ERBB4: variants seen among roughly 807,000 people sequenced by gnomAD.
ERBB4 encodes erb-b2 receptor tyrosine kinase 4, also known as receptor tyrosine-protein kinase erbB-4.
ERBB4 carries 42 observed loss-of-function variants against 158.0 expected under a neutral mutation model. The observed-to-expected ratio is 0.27, with a 90% CI of 0.21 to 0.34. The LOEUF (loss-of-function observed/expected upper bound fraction) is 0.34. Ranked by LOEUF, ERBB4 falls within the 10% of genes least tolerant of loss-of-function variation. The probability of loss-of-function intolerance (pLI) is 1.00; values close to 1 mark genes in which losing one functional copy is unlikely to be tolerated. For synonymous variants in ERBB4, 583 were observed against 558.7 expected (o/e 1.04, Z -0.61); for missense variants, 1,333 against 1,624.1 (o/e 0.82, Z 3.08).
chr2:211,938,838 T>C (rs1351869978), intron 3 of ERBB4, among the ~76,000 whole-genome samples: 1 of 152,138 alleles, frequency 6.6e-6, no homozygotes, highest in East Asian at 1.9e-4. Context: ...ACAAAGCTAA[T>C]AAATATTTGA....
chr2:212,125,132 A>G lies in ERBB4; in HGVS notation c.83-229T>C, dbSNP rs1363870411. 12 of 527,558 alleles carry G rather than the reference A, an allele frequency of 2.3e-5. No homozygotes were observed. In the East Asian group the frequency reaches 4.1e-4, roughly 18 times the overall value. 32.7% of individuals were successfully genotyped at this position (527,558 alleles called of 1,614,324 possible). ...GAGAGTAGGAAGGCATAGATTCCACAGAAATATATAGCAAGGAGATAAACT... is the reference window on the plus strand; with the variant it reads ...GAGAGTAGGAAGGCATAGATTCCACGGAAATATATAGCAAGGAGATAAACT... On this transcript the variant is annotated intron_variant, in intron 1 of 27. Transcript: ENST00000342788.
At chr2:211,900,550 T>C (rs923075962) in intron 3 of ERBB4, among the ~76,000 whole-genome samples, 4 of 151,134 alleles carry the variant, frequency 2.6e-5, no homozygotes, top group African/African-American at 4.8e-5. Flanking sequence ...AATTTTTCTA[T>C]TGAAAAGCGG....
intron 1 of ERBB4, among the ~76,000 whole-genome samples, chr2:212,485,745 C>G (rs1575008837): frequency 6.6e-6 from 1 of 152,002 alleles, no homozygotes; most frequent in South Asian, 2.1e-4. Flanking sequence ...CTGTGTATGC[C>G]GGGAAGTTCA....
At chr2:212,168,166 C>T (rs1360423723) in intron 1 of ERBB4, among the ~76,000 whole-genome samples, 1 of 151,958 alleles carries the variant, frequency 6.6e-6, no homozygotes, top group African/African-American at 2.4e-5. Context: ...ACTTAAGCAG[C>T]AGCCACTTAA....
Position 212,232,508 on chromosome 2 carries a change from A to C in ERBB4, c.83-107605T>G, listed in dbSNP as rs374387925. ...ACCACAACCTCTGTCTCCTGTGTTC[A>C]AGCGATTTTCCTGCCTCTGCCTTCT... On this transcript the variant is annotated intron_variant, in intron 1 of 27. Coordinates refer to ENST00000342788, the MANE Select transcript of ERBB4 (RefSeq NM_005235.3). Among the ~76,000 whole-genome samples the C allele has an allele frequency of 7.9e-5, 12 of 152,238 alleles. 1 individual carries two copies. Among genetic ancestry groups the C allele is most frequent in the African/African-American group, 2.9e-4 (12 of 41,552 alleles).
intron 5 of ERBB4, among the ~76,000 whole-genome samples, chr2:211,732,205 T>A (rs576874168): frequency 1.6e-4 from 24 of 152,286 alleles, no homozygotes; most frequent in African/African-American, 5.5e-4. Context: ...AAGAAATAAG[T>A]CAAAAATTGT....
At chr2:211,870,078 CTTTA>C (rs1442993031) in intron 3 of ERBB4, among the ~76,000 whole-genome samples, 1 of 152,086 alleles carries the variant, frequency 6.6e-6, no homozygotes, top group African/African-American at 2.4e-5. Context: ...TTCCTTCTTC[CTTTA>C]TTGTCTACCA....
chr2:211,800,471 A>C (rs1372733807), intron 3 of ERBB4, among the ~76,000 whole-genome samples: 1 of 152,162 alleles, frequency 6.6e-6, no homozygotes, highest in Non-Finnish European at 1.5e-5. Context: ...AGTAATCTAA[A>C]TGGAAAACAA....
At chr2:212,070,345 A>T (rs370401278) in intron 2 of ERBB4, among the ~76,000 whole-genome samples, 1 of 152,082 alleles carries the variant, frequency 6.6e-6, no homozygotes, top group South Asian at 2.1e-4. Context: ...GAAATTGACA[A>T]GCTGATGTTA....
intron 2 of ERBB4, among the ~76,000 whole-genome samples, chr2:212,078,769 TTAATA>T (rs1296607091): frequency 1.3e-5 from 2 of 151,514 alleles, no homozygotes; most frequent in African/African-American, 4.8e-5. Context: ...ACTATTAATA[TTAATA>T]TAATTAAAAC....
At chr2:211,584,952 A>G (rs555858469) in intron 19 of ERBB4, among the ~76,000 whole-genome samples, 1 of 152,214 alleles carries the variant, frequency 6.6e-6, no homozygotes, top group African/African-American at 2.4e-5. Context: ...TGAAAAAAAA[A>G]TTACCACTAT....
chr2:212,390,252 T>C (rs927914943), intron 1 of ERBB4, among the ~76,000 whole-genome samples: 1 of 151,890 alleles, frequency 6.6e-6, no homozygotes, highest in Non-Finnish European at 1.5e-5. Flanking sequence ...ATTTGTACAT[T>C]GTACCACTTC....
intron 20 of ERBB4, among the ~76,000 whole-genome samples, chr2:211,499,193 C>A (rs2065552718): frequency 6.6e-6 from 1 of 152,004 alleles, no homozygotes; most frequent in African/African-American, 2.4e-5. Context: ...ACTTAAACTC[C>A]CTTTTTATAG....
intron 18 of ERBB4, among the ~76,000 whole-genome samples, chr2:211,620,923 T>G (rs1234146779): frequency 1.4e-5 from 2 of 148,094 alleles, no homozygotes; most frequent in Non-Finnish European, 1.5e-5. Flanking sequence ...ATAGGCAACA[T>G]AGAGACATTC....
intron 1 of ERBB4, among the ~76,000 whole-genome samples, chr2:212,434,303 G>A (rs2092090851): frequency 6.6e-6 from 1 of 151,900 alleles, no homozygotes; most frequent in African/African-American, 2.4e-5. Context: ...GAATTACAGA[G>A]CTGCTAGAAA....
chr2:212,459,599 T>C (rs1209272163), intron 1 of ERBB4, among the ~76,000 whole-genome samples: 1 of 152,138 alleles, frequency 6.6e-6, no homozygotes, highest in Non-Finnish European at 1.5e-5. Flanking sequence ...CTAAAAAATT[T>C]TGAATGGAAC....
intron 1 of ERBB4, among the ~76,000 whole-genome samples, chr2:212,258,159 T>C (rs1348182329): frequency 6.6e-6 from 1 of 152,128 alleles, no homozygotes; most frequent in Non-Finnish European, 1.5e-5. Flanking sequence ...TAGTAAAAAT[T>C]AGATTTTTAA....
chr2:212,003,983 A>G (rs2125289538), intron 2 of ERBB4, among the ~76,000 whole-genome samples: 1 of 152,342 alleles, frequency 6.6e-6, no homozygotes, highest in Admixed American at 6.5e-5. Context: ...TAGTGAATAC[A>G]CTGCAGGTCT....
chr2:211,422,418 G>C (rs1281218257), intron 23 of ERBB4, among the ~76,000 whole-genome samples: 2 of 149,132 alleles, frequency 1.3e-5, no homozygotes, highest in Non-Finnish European at 3.0e-5. Flanking sequence ...TGGTTACAAT[G>C]CTTACACTGG....
Sources: allele counts gnomAD v4.1 joint callset (sites outside exome capture counted in the v4.1 genomes callset), GRCh38; gene constraint gnomAD v4.1.1; transcripts MANE v1.5; gene names NCBI Gene and HGNC (gene_info 2026-07-23, HGNC 2026-07-21).